Variants in KAZN observed in about 807,000 individuals in gnomAD.
KAZN encodes kazrin.
A neutral mutation model predicts 87.4 loss-of-function variants in KAZN; 40 were observed. The ratio of observed to expected loss-of-function variants is 0.46; its 90% confidence interval spans 0.36 to 0.60. KAZN has a LOEUF of 0.60. Among genes scored for constraint, KAZN ranks in the 20% least tolerant of loss-of-function variants. The pLI is 0.00. For synonymous variants in KAZN, 466 were observed against 458.3 expected (o/e 1.02, Z -0.22); for missense variants, 898 against 1,073.9 (o/e 0.84, Z 2.29).
intron 1 of KAZN, among the ~76,000 whole-genome samples, chr1:14,618,125 G>A (rs12403244): frequency 5.7e-4 from 87 of 152,296 alleles, no homozygotes; most frequent in Admixed American, 3.9e-3. Context: ...TGAATGCTGC[G>A]AGATGGCAGC....
At chr1:14,831,100 G>T (rs928626389) in intron 1 of KAZN, among the ~76,000 whole-genome samples, 8 of 152,146 alleles carry the variant, frequency 5.3e-5, no homozygotes, top group Admixed American at 4.6e-4. Flanking sequence ...CCTCAGGTGA[G>T]CCACCTGCCT....
At chr1:14,990,403 G>T (rs566304877) in intron 2 of KAZN, among the ~76,000 whole-genome samples, 2 of 152,002 alleles carry the variant, frequency 1.3e-5, no homozygotes, top group African/African-American at 2.4e-5. Flanking sequence ...TTTGTATTTT[G>T]TATGGAGATG....
intron 2 of KAZN, among the ~76,000 whole-genome samples, chr1:14,384,794 C>T (rs1266571588): frequency 6.6e-6 from 1 of 151,740 alleles, no homozygotes; most frequent in African/African-American, 2.4e-5. Context: ...GGTTGTGTCT[C>T]TGCCCGGCTT....
chr1:15,003,917 T>G (rs1320453656), intron 2 of KAZN, among the ~76,000 whole-genome samples: 4 of 152,136 alleles, frequency 2.6e-5, no homozygotes, highest in Non-Finnish European at 5.9e-5. Context: ...CCTGTTCAGC[T>G]CCAGGGGCTG....
rs1234645603 is a variant in KAZN, at chr1:14,180,686, T to C, written c.249+94T>C. 8.6e-6 allele frequency: 8 copies of C among 924,990 alleles called. No individual in the cohort carries two copies. The East Asian group carries it at 2.1e-4, about 25-fold the overall frequency. 57.3% of individuals were successfully genotyped at this position (924,990 alleles called of 1,614,324 possible). ...TCCAAAAATGTTCAACTACCACACC[T>C]ATTGAAACCTGTTTTTCTGATATAA... On this transcript the variant is annotated intron_variant, in intron 2 of 16. Transcript: ENST00000636203.
intron 2 of KAZN, among the ~76,000 whole-genome samples, chr1:14,389,582 G>C (rs1408431403): frequency 6.6e-6 from 1 of 152,196 alleles, no homozygotes; most frequent in African/African-American, 2.4e-5. Context: ...ATTATGTTAA[G>C]TGAAATAAGC....
intron 1 of KAZN, among the ~76,000 whole-genome samples, chr1:14,779,402 C>T (rs943421746): frequency 1.3e-5 from 2 of 152,178 alleles, no homozygotes; most frequent in Admixed American, 1.3e-4. Flanking sequence ...TTGGAGGGTA[C>T]GGCCAGAAGC....
chr1:14,758,099 TTG>T (rs1318469025), intron 1 of KAZN, among the ~76,000 whole-genome samples: 7 of 137,308 alleles, frequency 5.1e-5, no homozygotes, highest in Non-Finnish European at 7.8e-5. Context: ...GTTTGTTTGT[TTG>T]TTTCTTTGTT....
intron 2 of KAZN, among the ~76,000 whole-genome samples, chr1:14,481,336 C>G (rs1489414381): frequency 1.3e-5 from 2 of 152,000 alleles, no homozygotes; most frequent in African/African-American, 4.8e-5. Context: ...ATATAATAAG[C>G]CCTCAGTAAG....
intron 1 of KAZN, among the ~76,000 whole-genome samples, chr1:14,841,188 C>T (rs1178662613): frequency 6.6e-6 from 1 of 151,734 alleles, no homozygotes; most frequent in Non-Finnish European, 1.5e-5. Flanking sequence ...GAGGCCAAGG[C>T]GGGTGGATCA....
At chr1:13,979,724 C>G (rs12064491) in intron 1 of KAZN, among the ~76,000 whole-genome samples, 1 of 151,902 alleles carries the variant, frequency 6.6e-6, no homozygotes, top group African/African-American at 2.4e-5. Context: ...GTCAGGAGAT[C>G]GAGACCATCC....
intron 1 of KAZN, among the ~76,000 whole-genome samples, chr1:14,900,398 TA>T (rs994033676): frequency 6.6e-6 from 1 of 151,990 alleles, no homozygotes; most frequent in African/African-American, 2.4e-5. Flanking sequence ...TCACCATCTG[TA>T]AAATGGGCAC....
intron 1 of KAZN, among the ~76,000 whole-genome samples, chr1:14,037,917 G>A (rs1570585930): frequency 6.6e-6 from 1 of 152,288 alleles, no homozygotes; most frequent in Middle Eastern, 3.4e-3. Context: ...GCCTGCACTG[G>A]TGCATATGTA....
At chr1:14,799,175 G>A (rs1299118547) in intron 1 of KAZN, among the ~76,000 whole-genome samples, 1 of 152,202 alleles carries the variant, frequency 6.6e-6, no homozygotes, top group East Asian at 1.9e-4. Context: ...TGTTACTGCG[G>A]TATAACCTAT....
intron 1 of KAZN, among the ~76,000 whole-genome samples, chr1:14,670,116 C>G (rs896689554): frequency 2.0e-5 from 3 of 152,070 alleles, no homozygotes; most frequent in African/African-American, 4.8e-5. Context: ...CAGCCCTCCC[C>G]TCCCCTTTTT....
At chr1:15,036,479 C>G (rs1672350491) in intron 3 of KAZN, among the ~76,000 whole-genome samples, 2 of 151,890 alleles carry the variant, frequency 1.3e-5, no homozygotes, top group Non-Finnish European at 2.9e-5. Flanking sequence ...CCATGCCTGT[C>G]ACAGGCAAAC....
intron 1 of KAZN, among the ~76,000 whole-genome samples, chr1:14,780,828 C>T (rs1402183999): frequency 1.3e-5 from 2 of 152,152 alleles, no homozygotes; most frequent in Non-Finnish European, 2.9e-5. Context: ...TCCTGAGCTC[C>T]GCTATTGACT....
chr1:14,596,618 C>G (rs1676528288), upstream of KAZN, among the ~76,000 whole-genome samples: 1 of 152,232 alleles, frequency 6.6e-6, no homozygotes, highest in Non-Finnish European at 1.5e-5. Flanking sequence ...CTTCCCTCCC[C>G]ACAGCCCCTG....
intron 1 of KAZN, among the ~76,000 whole-genome samples, chr1:13,942,736 A>C (rs974466721): frequency 2.6e-5 from 4 of 152,190 alleles, no homozygotes; most frequent in Admixed American, 2.0e-4. Flanking sequence ...CATTAAAATA[A>C]TTGTGATTAA....
Sources: gnomAD v4.1 joint callset for allele counts (sites outside exome capture counted in the v4.1 genomes callset) on GRCh38, gnomAD v4.1.1 for gene constraint, MANE v1.5 for transcripts, NCBI Gene and HGNC (gene_info 2026-07-23, HGNC 2026-07-21) for gene names.